Variants in PID1 observed in about 807,000 individuals in gnomAD.
PID1 encodes the protein phosphotyrosine interaction domain containing 1.
A neutral mutation model predicts 19.1 loss-of-function variants in PID1; 10 were observed. The ratio of observed to expected loss-of-function variants is 0.52; its 90% CI spans 0.32 to 0.89. The LOEUF (loss-of-function observed/expected upper bound fraction) is 0.89. Ranked by LOEUF, PID1 falls within the 40% of genes least tolerant of loss-of-function variation. The probability of loss-of-function intolerance (pLI) is 0.03; values close to 1 mark genes in which losing one functional copy is unlikely to be tolerated. For synonymous variants in PID1, 130 were observed against 116.0 expected (o/e 1.12, Z -0.78); for missense variants, 248 against 285.3 (o/e 0.87, Z 0.94).
At chr2:229,081,665 A>T (rs1027268550) in intron 2 of PID1, among the ~76,000 whole-genome samples, 1 of 152,230 alleles carries the variant, frequency 6.6e-6, no homozygotes, top group Non-Finnish European at 1.5e-5. Flanking sequence ...GTTACAAAAC[A>T]TGACTTCCTG....
chr2:229,220,806 A>C (rs144719701), intron 1 of PID1, among the ~76,000 whole-genome samples: 4 of 152,356 alleles, frequency 2.6e-5, no homozygotes, highest in Admixed American at 6.5e-5. Flanking sequence ...AGTAATTAGA[A>C]AACTCAATAA....
chr2:229,249,885 C>T (rs1004729751), intron 1 of PID1, among the ~76,000 whole-genome samples: 10 of 152,006 alleles, frequency 6.6e-5, no homozygotes, highest in South Asian at 2.1e-4. Context: ...TTCAAAGTTA[C>T]GAAACAACAT....
chr2:229,106,783 A>G (rs2106143727), intron 2 of PID1, among the ~76,000 whole-genome samples: 1 of 152,288 alleles, frequency 6.6e-6, no homozygotes, highest in Admixed American at 6.5e-5. Flanking sequence ...AGGAGCTCAA[A>G]CAGACTCAGA....
intron 1 of PID1, among the ~76,000 whole-genome samples, chr2:229,182,769 G>T (rs1350563141): frequency 6.6e-6 from 1 of 152,150 alleles, no homozygotes; most frequent in African/African-American, 2.4e-5. Context: ...CTCACTTTCT[G>T]ATCAAGTTGT....
intron 2 of PID1, among the ~76,000 whole-genome samples, chr2:229,146,550 T>C (rs958318290): frequency 2.6e-5 from 4 of 151,884 alleles, no homozygotes; most frequent in Admixed American, 2.6e-4. Context: ...TGTGTGTGTG[T>C]GTTTGACAAT....
chr2:229,121,064 T>G (rs929438526), intron 2 of PID1, among the ~76,000 whole-genome samples: 4 of 152,160 alleles, frequency 2.6e-5, no homozygotes, highest in Non-Finnish European at 5.9e-5. Flanking sequence ...AAACCTCTTA[T>G]TTATAAACTA....
At chr2:229,094,861 A>G (rs1021452385) in intron 2 of PID1, among the ~76,000 whole-genome samples, 12 of 152,238 alleles carry the variant, frequency 7.9e-5, no homozygotes, top group African/African-American at 2.9e-4. Context: ...ATCAGCAAGA[A>G]AAAAAAACAA....
Position 229,139,146 on chromosome 2 carries a change from AAAGC to A in PID1, c.177+16668_177+16671del, listed in dbSNP as rs1273377953. ...GAAAGAAAGAAAGAAAGAAAGAAAG[AAAGC>A]AAGCGAGCGAGCAAGCGAGCTTCCC... On this transcript the variant is annotated intron_variant, in intron 2 of 2. Coordinates refer to ENST00000392055, the MANE Select transcript of PID1 (RefSeq NM_001100818.2). Among the ~76,000 whole-genome samples the A allele has an allele frequency of 3.9e-4, 43 of 109,032 alleles. 1 individual carries two copies. Among genetic ancestry groups the A allele is most frequent in the African/African-American group, 1.4e-3 (39 of 27,248 alleles). 71.5% of individuals were successfully genotyped at this position (109,032 alleles called of 152,430 possible).
intron 1 of PID1, among the ~76,000 whole-genome samples, chr2:229,192,822 A>G (rs1025723934): frequency 3.3e-5 from 5 of 152,160 alleles, no homozygotes; most frequent in African/African-American, 1.2e-4. Flanking sequence ...TATTATTACT[A>G]GGCCAATTCT....
Position 229,133,135 on chromosome 2 carries a change from G to A in PID1, c.177+22683C>T, listed in dbSNP as rs545853217. On this transcript the variant is annotated intron_variant, in intron 2 of 2. Coordinates refer to ENST00000392055, the MANE Select transcript of PID1 (RefSeq NM_001100818.2). ...TCTGTATTAATCAATCCAAGGCCAA[G>A]TACAATTTAGTTTGCTACTTCAGGA... 1.6e-4 allele frequency among the ~76,000 whole-genome samples: 24 copies of A among 152,322 alleles called. No individual in the cohort carries two copies. The South Asian group carries it at 4.8e-3, about 30-fold the overall frequency.
chr2:229,244,670 A>G (rs1046369718), intron 1 of PID1, among the ~76,000 whole-genome samples: 4 of 152,144 alleles, frequency 2.6e-5, no homozygotes, highest in Admixed American at 1.3e-4. Flanking sequence ...TTTATTACAA[A>G]CACAAGATAC....
intron 2 of PID1, among the ~76,000 whole-genome samples, chr2:229,044,988 CTG>C (rs1389470522): frequency 6.6e-6 from 1 of 152,026 alleles, no homozygotes; most frequent in Admixed American, 6.6e-5. Flanking sequence ...GAGTCTCACT[CTG>C]TTGCCTAGGC....
At chr2:229,072,030 A>C (rs1006934907) in intron 2 of PID1, among the ~76,000 whole-genome samples, 2 of 152,166 alleles carry the variant, frequency 1.3e-5, no homozygotes, top group Non-Finnish European at 2.9e-5. Context: ...TACTCATGGG[A>C]TCATATACAA....
At chr2:229,070,424 T>G (rs2106201450) in intron 2 of PID1, among the ~76,000 whole-genome samples, 1 of 152,358 alleles carries the variant, frequency 6.6e-6, no homozygotes, top group East Asian at 1.9e-4. Flanking sequence ...AAGGGCTCAA[T>G]ATGATTCATA....
At chr2:229,032,248 T>C (rs1428362721) in intron 2 of PID1, among the ~76,000 whole-genome samples, 1 of 152,338 alleles carries the variant, frequency 6.6e-6, no homozygotes, top group Admixed American at 6.5e-5. Context: ...AGAGGTCCCC[T>C]CCTGCCATGG....
chr2:229,060,159 T>C (rs1462448074), intron 2 of PID1, among the ~76,000 whole-genome samples: 1 of 152,072 alleles, frequency 6.6e-6, no homozygotes, highest in Non-Finnish European at 1.5e-5. Context: ...TTTAGCCATT[T>C]TGAAATACAC....
At chr2:229,172,369 A>T (rs1025377589) in intron 1 of PID1, among the ~76,000 whole-genome samples, 1 of 152,310 alleles carries the variant, frequency 6.6e-6, no homozygotes, top group East Asian at 1.9e-4. Context: ...AGAGGCTAGA[A>T]GTCTGAAATC....
At chr2:229,131,076 C>T (rs76822318) in intron 2 of PID1, among the ~76,000 whole-genome samples, 20,966 of 152,192 alleles carry the variant, frequency 0.14, 1,662 homozygotes, top group East Asian at 0.28. Context: ...ATTATATCTT[C>T]AGTTACTCTA....
chr2:229,034,173 C>T (rs138925119), intron 2 of PID1, among the ~76,000 whole-genome samples: 11 of 152,166 alleles, frequency 7.2e-5, no homozygotes, highest in Middle Eastern at 3.4e-3. Context: ...AAATTATTGT[C>T]GGCACAATAA....
Sources: gnomAD v4.1 joint callset for allele counts (sites outside exome capture counted in the v4.1 genomes callset) on GRCh38, gnomAD v4.1.1 for gene constraint, MANE v1.5 for transcripts, NCBI Gene and HGNC (gene_info 2026-07-23, HGNC 2026-07-21) for gene names.